Variants in WDFY3 observed in about 807,000 individuals in gnomAD.
The protein encoded by WDFY3 is WD repeat and FYVE domain-containing protein 3.
A neutral mutation model predicts 409.6 loss-of-function variants in WDFY3; 66 were observed. That is an observed-to-expected ratio of 0.16 (90% CI 0.13 to 0.20). The LOEUF (loss-of-function observed/expected upper bound fraction) is 0.20, where lower values mean the gene tolerates loss of function less well. Ranked by LOEUF, WDFY3 falls within the 10% of genes least tolerant of loss-of-function variation. WDFY3 has a pLI of 1.00. For synonymous variants in WDFY3, 1,521 were observed against 1,537.1 expected (o/e 0.99, Z 0.25); for missense variants, 3,031 against 4,298.1 (o/e 0.71, Z 8.24).
chr4:84,819,043 T>C (rs1223083193), intron 12 of WDFY3, among the ~76,000 whole-genome samples: 1 of 152,126 alleles, frequency 6.6e-6, no homozygotes, highest in African/African-American at 2.4e-5. Flanking sequence ...ATAGACAAAA[T>C]GTTACTATAG....
At position 84,713,164 on chromosome 4, in the gene WDFY3, C is replaced by T; in HGVS notation, c.8037G>A (p.Glu2679=). The change falls in exon 51 of 68, where the codon GAG becomes GAA. Residue 2679 remains glutamate (E), a synonymous_variant. Coordinates refer to ENST00000295888, the MANE Select transcript of WDFY3 (RefSeq NM_014991.6). Reference sequence around the variant, plus strand: ...GCAAGGAACAAACCACCTACCCCTGCTCCACACTCGTGTTTGGTCGTTGCC... The same window carrying T: ...GCAAGGAACAAACCACCTACCCCTGTTCCACACTCGTGTTTGGTCGTTGCC... The part of the protein sequence containing the change: ...VSGQRPNTSV[E]QGSGLLSTLV... 1 of 1,614,168 alleles carries T rather than the reference C, an allele frequency of 6.2e-7. No homozygotes were observed. Among genetic ancestry groups the T allele is most frequent in the Non-Finnish European group, 8.5e-7 (1 of 1,179,996 alleles).
intron 3 of WDFY3, among the ~76,000 whole-genome samples, chr4:84,893,318 GTTT>G (rs1765184693): frequency 6.6e-6 from 1 of 152,164 alleles, no homozygotes; most frequent in Non-Finnish European, 1.5e-5. Context: ...TCTGTGCTGT[GTTT>G]AAAATCTATA....
chr4:84,768,354 A>G (rs1016348574), intron 30 of WDFY3, among the ~76,000 whole-genome samples: 1 of 152,328 alleles, frequency 6.6e-6, no homozygotes, highest in African/African-American at 2.4e-5. Flanking sequence ...GGACTTTCAT[A>G]GCTAGAGGGG....
intron 5 of WDFY3, among the ~76,000 whole-genome samples, chr4:84,844,961 C>T (rs1358009204): frequency 2.0e-5 from 3 of 152,204 alleles, no homozygotes; most frequent in Admixed American, 6.5e-5. Flanking sequence ...TTGACCTAAA[C>T]GTATAACAAA....
At chr4:84,724,643 A>C (rs745379870) in intron 45 of WDFY3, 49 bp from the exon 46 acceptor site, 1 of 1,583,410 alleles carries the variant, frequency 6.3e-7, no homozygotes, top group African/African-American at 1.4e-5. Flanking sequence ...ACCAAGAATT[A>C]AAACGTAATA....
At chr4:84,935,073 A>C (rs1345778634) in intron 1 of WDFY3, among the ~76,000 whole-genome samples, 2 of 152,160 alleles carry the variant, frequency 1.3e-5, no homozygotes, top group African/African-American at 2.4e-5. Context: ...TCACTGCAGA[A>C]TAATACTGCA....
At chr4:84,721,701 C>T in intron 46 of WDFY3, 129 bp from the exon 47 acceptor site, 1 of 1,039,222 alleles carries the variant, frequency 9.6e-7, no homozygotes, top group African/African-American at 1.6e-5. Context: ...GGAGGTAGCA[C>T]ATTCAGTGGT....
chr4:84,840,893 G>C (rs1338305416), intron 6 of WDFY3, among the ~76,000 whole-genome samples: 1 of 151,880 alleles, frequency 6.6e-6, no homozygotes, highest in African/African-American at 2.4e-5. Flanking sequence ...AAATGGTTAT[G>C]TCCTATGTGT....
At chr4:84,689,779 G>C (rs1251604466) in intron 61 of WDFY3, among the ~76,000 whole-genome samples, 3 of 152,122 alleles carry the variant, frequency 2.0e-5, no homozygotes, top group Non-Finnish European at 2.9e-5. Flanking sequence ...GTGTCGACTA[G>C]AGTTTTGTAT....
intron 64 of WDFY3, among the ~76,000 whole-genome samples, chr4:84,680,619 T>C (rs1560517030): frequency 1.3e-5 from 2 of 152,250 alleles, no homozygotes; most frequent in African/African-American, 4.8e-5. Context: ...CCTCCATTTC[T>C]GTGGGTTCCA....
In WDFY3 at chr4:84,921,646, A is replaced by ATT. The variant is rs747576197; in HGVS notation, c.-132+10622_-132+10623dup. On this transcript the variant is annotated intron_variant, in intron 2 of 67. Coordinates refer to ENST00000295888, the MANE Select transcript of WDFY3 (RefSeq NM_014991.6). The stretch of plus-strand genomic sequence containing the variant: ...ATGGAACCAAGTCTCTATTGCTTTC[A>ATT]TTTTTTTTTTTTTTTTTTTTTTTTT... Among the ~76,000 whole-genome samples the ATT allele has an allele frequency of 9.3e-3, 728 of 78,700 alleles. 112 individuals carry two copies. The highest frequency in any genetic ancestry group is 0.021 in the African/African-American group (376 of 17,630). The allele number at this position is 78,700 out of a possible 152,430, so 51.6% of individuals were successfully genotyped here.
In WDFY3 at chr4:84,713,259, G is replaced by A. The variant is rs778524776; in HGVS notation, c.7962-20C>T. On this transcript the variant is annotated intron_variant, in intron 50 of 67. Transcript: ENST00000295888. Reference sequence around the variant, plus strand: ...AAAAACCTGAAAAATTTAAAATAGCGTAAAATTACAAGTGAAGTCTCAGTC... The same window carrying A: ...AAAAACCTGAAAAATTTAAAATAGCATAAAATTACAAGTGAAGTCTCAGTC... 31 of 1,604,504 alleles carry A rather than the reference G, an allele frequency of 1.9e-5. No individual in the cohort carries two copies. The highest frequency in any genetic ancestry group is 1.0e-4 in the Admixed American group (6 of 59,956).
At chr4:84,834,491 A>G (rs75109684) in intron 7 of WDFY3, among the ~76,000 whole-genome samples, 1 of 108,308 alleles carries the variant, frequency 9.2e-6, no homozygotes, top group African/African-American at 2.8e-5. Flanking sequence ...TACTAAAAAC[A>G]AAAAAAAAAA....
At chr4:84,906,657 T>C (rs1767080356) in intron 2 of WDFY3, among the ~76,000 whole-genome samples, 1 of 152,202 alleles carries the variant, frequency 6.6e-6, no homozygotes, top group African/African-American at 2.4e-5. Context: ...TTTTCCTGTA[T>C]ACTTTAAATC....
chr4:84,966,253 G>A lies in WDFY3; in HGVS notation c.-270C>T, dbSNP rs1775739494. On this transcript the variant is annotated 5_prime_UTR_variant, in exon 1 of 68. Coordinates refer to ENST00000295888, the MANE Select transcript of WDFY3 (RefSeq NM_014991.6). ...GCGGGCGGGACAGGCCCAGGAGACG[G>A]GACCGCGGCGGGCCGGGGCTCCGCG... The A allele has an allele frequency of 6.6e-6, 1 of 150,632 alleles. No homozygotes were observed. Among genetic ancestry groups the A allele is most frequent in the Non-Finnish European group, 1.5e-5 (1 of 67,658 alleles). The allele number at this position is 150,632 out of a possible 1,614,324, so 9.3% of individuals were successfully genotyped here. A position where few individuals can be genotyped will look rare whatever the true frequency, so the allele number is the denominator to read the frequency against.
At chr4:84,714,688 C>T (rs956407284) in intron 50 of WDFY3, among the ~76,000 whole-genome samples, 9 of 152,052 alleles carry the variant, frequency 5.9e-5, no homozygotes, top group East Asian at 1.9e-4. Context: ...GGGTGGCTCA[C>T]GCCTGTAATC....
intron 1 of WDFY3, among the ~76,000 whole-genome samples, chr4:84,959,902 A>C (rs1774706155): frequency 6.6e-6 from 1 of 152,222 alleles, no homozygotes; most frequent in Non-Finnish European, 1.5e-5. Context: ...AATTAGCCTA[A>C]ATGTTAAAAA....
chr4:84,881,420 C>T (rs949228425), intron 3 of WDFY3, among the ~76,000 whole-genome samples: 4 of 152,080 alleles, frequency 2.6e-5, no homozygotes, highest in African/African-American at 9.7e-5. Flanking sequence ...GCAAGAAAGA[C>T]GGCCACATCT....
chr4:84,751,322 A>G, intron 36 of WDFY3, 161 bp downstream of exon 36: 1 of 701,276 alleles, frequency 1.4e-6, no homozygotes, highest in South Asian at 1.9e-5. Flanking sequence ...ATAGGGTTTA[A>G]AGCACATGTG....
Sources: allele counts gnomAD v4.1 joint callset (sites outside exome capture counted in the v4.1 genomes callset), GRCh38; gene constraint gnomAD v4.1.1; transcripts MANE v1.5; gene names NCBI Gene and HGNC (gene_info 2026-07-23, HGNC 2026-07-21).